Variants in CSMD1 observed in about 807,000 individuals in gnomAD.
CSMD1 encodes CUB and Sushi multiple domains 1.
A neutral mutation model predicts 417.5 loss-of-function variants in CSMD1; 213 were observed. The observed-to-expected ratio is 0.51, with a 90% confidence interval of 0.46 to 0.57. The LOEUF (loss-of-function observed/expected upper bound fraction) is 0.57, where lower values mean the gene tolerates loss of function less well. CSMD1 is among the 20% of genes least tolerant of loss of function. The pLI, the probability that CSMD1 is intolerant of heterozygous loss-of-function variation, is 0.00. For missense variants in CSMD1, 6,923 were observed against 4,529.7 expected (o/e 1.53, Z -15.17); for synonymous variants, 2,862 against 1,736.8 (o/e 1.65, Z -16.11).
chr8:3,266,369 G>C (rs1801431327), intron 26 of CSMD1, among the ~76,000 whole-genome samples: 1 of 151,852 alleles, frequency 6.6e-6, no homozygotes, highest in Non-Finnish European at 1.5e-5. Context: ...ACTGTGGGAG[G>C]CTGAGGCGGG....
chr8:3,693,016 G>T (rs1179021355), intron 7 of CSMD1, among the ~76,000 whole-genome samples: 7 of 151,840 alleles, frequency 4.6e-5, no homozygotes, highest in Non-Finnish European at 1.0e-4. Context: ...TATTATATTG[G>T]TAAACTCTTA....
At chr8:3,690,513 C>A (rs1337196037) in intron 7 of CSMD1, among the ~76,000 whole-genome samples, 1 of 152,176 alleles carries the variant, frequency 6.6e-6, no homozygotes, top group East Asian at 1.9e-4. Context: ...CTAGGGGACG[C>A]CTCCCAAATA....
intron 3 of CSMD1, among the ~76,000 whole-genome samples, chr8:4,156,626 T>C (rs1410847111): frequency 6.6e-6 from 1 of 151,974 alleles, no homozygotes; most frequent in Non-Finnish European, 1.5e-5. Context: ...GAAACAGTAG[T>C]TTTTGCTATT....
At chr8:4,689,559 T>C (rs1283319910) in intron 1 of CSMD1, among the ~76,000 whole-genome samples, 2 of 152,238 alleles carry the variant, frequency 1.3e-5, no homozygotes, top group African/African-American at 4.8e-5. Flanking sequence ...ATATTCAAGT[T>C]ACAATACATT....
intron 3 of CSMD1, among the ~76,000 whole-genome samples, chr8:4,262,736 C>G (rs183936246): frequency 4.3e-4 from 66 of 152,228 alleles, no homozygotes; most frequent in African/African-American, 1.5e-3. Context: ...CCTTTTGGCC[C>G]TGAGGTTTTT....
At chr8:4,485,001 AAAAAAAAAAAAAAAAAAAAG>A (rs1563222468) in intron 2 of CSMD1, among the ~76,000 whole-genome samples, 6 of 145,470 alleles carry the variant, frequency 4.1e-5, no homozygotes, top group Admixed American at 2.1e-4. Flanking sequence ...AAAAAAAAAA[AAAAAAAAAAAAAAAAAAAAG>A]AAAGAGTCAC....
rs74664460 is a variant in CSMD1 at position 4,743,399 on chromosome 8, G to A, written c.86-105841C>T. 4.1e-3 allele frequency among the ~76,000 whole-genome samples: 620 copies of A among 152,264 alleles called. 5 individuals carry two copies. The highest frequency in any genetic ancestry group is 0.02 in the Middle Eastern group (6 of 294). On this transcript the variant is annotated intron_variant, in intron 1 of 69. Coordinates refer to ENST00000635120, the MANE Select transcript of CSMD1 (RefSeq NM_033225.6). ...ATGGAAATTATCATCATGAAACACA[G>A]GGAGTGGTATCTTCAAAGCAAAAAA...
chr8:4,749,110 G>A lies in CSMD1; in HGVS notation c.86-111552C>T, dbSNP rs115271857. ...TGCCCATGCAGTCTCCACTCGCTTT[G>A]CTAATTTCACTGCCACATCTAATAT... is the stretch of plus-strand genomic sequence containing the variant. On this transcript the variant is annotated intron_variant, in intron 1 of 69. Transcript: ENST00000635120. Among the ~76,000 whole-genome samples the A allele has an allele frequency of 4.2e-3, 647 of 152,314 alleles. 1 individual carries two copies. Among genetic ancestry groups the A allele is most frequent in the African/African-American group, 0.012 (519 of 41,560 alleles).
chr8:3,528,584 T>G lies in CSMD1; in HGVS notation c.1345-34858A>C, dbSNP rs1336868347. On this transcript the variant is annotated intron_variant, in intron 10 of 69. Transcript: ENST00000635120. Reference sequence around the variant, plus strand: ...AAGTGTTTTGGTTCAGTAAACTGTATACAACACACAATTTGAATTTCAAAA... The same window carrying G: ...AAGTGTTTTGGTTCAGTAAACTGTAGACAACACACAATTTGAATTTCAAAA... Among the ~76,000 whole-genome samples the G allele has an allele frequency of 2.0e-5, 3 of 152,370 alleles. No homozygotes were observed. The East Asian group carries it at 5.8e-4, about 29-fold the overall frequency.
chr8:3,134,832 T>C (rs1032043797), intron 41 of CSMD1, among the ~76,000 whole-genome samples: 2 of 152,326 alleles, frequency 1.3e-5, no homozygotes, highest in South Asian at 2.1e-4. Context: ...ATTTTTCTTA[T>C]CTGTGAAATG....
intron 1 of CSMD1, among the ~76,000 whole-genome samples, chr8:4,715,878 C>T (rs1226589552): frequency 6.6e-6 from 1 of 152,182 alleles, no homozygotes; most frequent in Admixed American, 6.5e-5. Flanking sequence ...CCTAAAGGGT[C>T]CTTGGCTCTG....
At chr8:4,291,914 G>A (rs1182711291) in intron 3 of CSMD1, among the ~76,000 whole-genome samples, 2 of 152,202 alleles carry the variant, frequency 1.3e-5, no homozygotes, top group South Asian at 2.1e-4. Context: ...AGCAGGAACA[G>A]AACCTTCTGC....
intron 3 of CSMD1, among the ~76,000 whole-genome samples, chr8:4,340,025 G>T (rs186701363): frequency 6.6e-6 from 1 of 152,032 alleles, no homozygotes; most frequent in Admixed American, 6.6e-5. Flanking sequence ...CACTTCTAGC[G>T]AAAATTATGT....
intron 1 of CSMD1, among the ~76,000 whole-genome samples, chr8:4,967,425 T>C (rs970096777): frequency 6.6e-6 from 1 of 152,152 alleles, no homozygotes; most frequent in Non-Finnish European, 1.5e-5. Context: ...ACTACATTAG[T>C]AAGCACTACT....
intron 6 of CSMD1, among the ~76,000 whole-genome samples, chr8:3,739,685 A>G (rs1335002482): frequency 4.6e-5 from 7 of 152,208 alleles, no homozygotes; most frequent in Non-Finnish European, 8.8e-5. Flanking sequence ...GTGTTGTAAG[A>G]CTGTACCACA....
Position 4,404,840 on chromosome 8 carries a change from A to G in CSMD1, c.415+15113T>C, listed in dbSNP as rs1804898715. 2.0e-5 allele frequency among the ~76,000 whole-genome samples: 3 copies of G among 152,306 alleles called. No homozygotes were observed. The South Asian group carries it at 6.2e-4, about 32-fold the overall frequency. ...CAGTAAGTGAGGCAATAACAACAACAGGCCCTTACACTCTACCAGCCACAC... is the reference window on the plus strand; with the variant it reads ...CAGTAAGTGAGGCAATAACAACAACGGGCCCTTACACTCTACCAGCCACAC... On this transcript the variant is annotated intron_variant, in intron 3 of 69. Transcript: ENST00000635120.
rs150606299 is a variant in CSMD1, at chr8:3,631,678, T to C, written c.1010-14881A>G. On this transcript the variant is annotated intron_variant, in intron 7 of 69. Coordinates refer to ENST00000635120, the MANE Select transcript of CSMD1 (RefSeq NM_033225.6). ...CCAGCTCAGGTGGAATAATGGAAGA[T>C]TGAAGTCGTCAGACGGAGGGAAGAA... Among the ~76,000 whole-genome samples, 125 of 152,286 alleles carry C rather than the reference T, an allele frequency of 8.2e-4. No homozygotes were observed. In the East Asian group the frequency reaches 0.014, roughly 17 times the overall value.
intron 6 of CSMD1, among the ~76,000 whole-genome samples, chr8:3,725,522 G>A (rs1163229122): frequency 6.6e-6 from 1 of 152,178 alleles, no homozygotes; most frequent in South Asian, 2.1e-4. Context: ...GTGTGTATGT[G>A]TATGTGGGTT....
chr8:4,245,608 G>A (rs4875310), intron 3 of CSMD1, among the ~76,000 whole-genome samples: 73,337 of 151,896 alleles, frequency 0.48, 18,500 homozygotes, highest in East Asian at 0.58. Flanking sequence ...AGGTTCCTCT[G>A]GTCAACAATG....
Sources: gnomAD v4.1 joint callset for allele counts (sites outside exome capture counted in the v4.1 genomes callset) on GRCh38, gnomAD v4.1.1 for gene constraint, MANE v1.5 for transcripts, NCBI Gene and HGNC (gene_info 2026-07-23, HGNC 2026-07-21) for gene names.